Variants in CCDC170 observed in about 807,000 individuals in gnomAD.
CCDC170 encodes the protein coiled-coil domain-containing protein 170.
CCDC170 carries 69 observed loss-of-function variants against 72.6 expected under a neutral mutation model. The observed-to-expected ratio is 0.95, with a 90% confidence interval of 0.78 to 1.16. CCDC170 has a LOEUF of 1.16. Among genes scored for constraint, CCDC170 ranks in the 50% most tolerant of loss-of-function variants. The pLI is 0.00. For missense variants in CCDC170, 852 were observed against 832.5 expected (o/e 1.02, Z -0.29); for synonymous variants, 300 against 303.9 (o/e 0.99, Z 0.13).
Position 151,593,098 on chromosome 6 carries a change from T to A in CCDC170, c.1294-9T>A, listed in dbSNP as rs762191091. 1 of 1,614,028 alleles carries A rather than the reference T, an allele frequency of 6.2e-7. No homozygotes were observed. Among genetic ancestry groups the A allele is most frequent in the Non-Finnish European group, 8.5e-7 (1 of 1,179,902 alleles). ...CATGTCCCATTTTTGTTTCTGTTCT[T>A]GGGTTTAGTATCTTAAATTTCTGGA... On this transcript the variant is annotated splice_polypyrimidine_tract_variant and intron_variant, in intron 7 of 10. Coordinates refer to ENST00000239374, the MANE Select transcript of CCDC170 (RefSeq NM_025059.4).
intron 2 of CCDC170, among the ~76,000 whole-genome samples, chr6:151,537,476 C>T (rs546834359): frequency 1.3e-5 from 2 of 152,322 alleles, no homozygotes; most frequent in South Asian, 4.1e-4. Context: ...TATCACAGAA[C>T]TCATAAAAGT....
At chr6:151,542,703 GTA>G (rs568266100) in intron 3 of CCDC170, among the ~76,000 whole-genome samples, 5 of 152,128 alleles carry the variant, frequency 3.3e-5, no homozygotes, top group Non-Finnish European at 7.3e-5. Flanking sequence ...TTTTCTTAGG[GTA>G]GATTCCTGAA....
intron 5 of CCDC170, among the ~76,000 whole-genome samples, chr6:151,551,405 A>AT: frequency 6.6e-6 from 1 of 152,144 alleles, no homozygotes; most frequent in Non-Finnish European, 1.5e-5. Context: ...AAGCACATAC[A>AT]TTTTTTTATA....
chr6:151,496,059 G>T (rs1415097514), intron 1 of CCDC170, among the ~76,000 whole-genome samples: 2 of 151,466 alleles, frequency 1.3e-5, no homozygotes, highest in Non-Finnish European at 1.5e-5. Context: ...CATTTTTTTT[G>T]TTTGTTTTTT....
rs1583055709 is a variant in CCDC170, at chr6:151,619,124, C to T, written c.*977C>T. ...ACCTAATTCATTTGGATCAAACTTA[C>T]ATAGGTCTCAGGTCCTGTAAGAAAC... On this transcript the variant is annotated 3_prime_UTR_variant, in exon 11 of 11. Coordinates refer to ENST00000239374, the MANE Select transcript of CCDC170 (RefSeq NM_025059.4). 1 of 149,388 alleles carries T rather than the reference C, an allele frequency of 6.7e-6. No individual in the cohort carries two copies. Among genetic ancestry groups the T allele is most frequent in the Non-Finnish European group, 1.5e-5 (1 of 67,590 alleles). The allele number at this position is 149,388 out of a possible 1,614,324, so 9.3% of individuals were successfully genotyped here. A position where few individuals can be genotyped will look rare whatever the true frequency, so the allele number is the denominator to read the frequency against.
chr6:151,615,684 G>T lies in CCDC170; in HGVS notation c.1947+5G>T, dbSNP rs200833739. 2 of 1,593,186 alleles carry T rather than the reference G, an allele frequency of 1.3e-6. No individual in the cohort carries two copies. Among genetic ancestry groups the T allele is most frequent in the African/African-American group, 2.7e-5 (2 of 74,172 alleles). ...GCAGAAAAGAGAGAAAAGCAGGTGG[G>T]TCTAAATCTGGTGATGAAACCTTGT... is the stretch of plus-strand genomic sequence containing the variant. On this transcript the variant is annotated splice_donor_5th_base_variant and intron_variant, in intron 10 of 10. Coordinates refer to ENST00000239374, the MANE Select transcript of CCDC170 (RefSeq NM_025059.4).
chr6:151,514,536 G>A (rs942052621), intron 1 of CCDC170, among the ~76,000 whole-genome samples: 7 of 152,164 alleles, frequency 4.6e-5, no homozygotes, highest in African/African-American at 7.2e-5. Flanking sequence ...GTGAAACAGC[G>A]ATGAAAGCTC....
At position 151,536,326 on chromosome 6, in the gene CCDC170, C is replaced by G; in HGVS notation, c.66C>G (p.Tyr22Ter). Residue 22 changes from tyrosine (Y) to a stop codon, truncating the protein, a stop_gained, in exon 2 of 11, where the codon TAC becomes TAG. Coordinates refer to ENST00000239374, the MANE Select transcript of CCDC170 (RefSeq NM_025059.4). LOFTEE classifies it high-confidence loss of function. ...TGGGGGAATTCTACCAGGAAACTTA[C>G]GATCATCTTTCGGAAGTCCCGGTCA... is the stretch of plus-strand genomic sequence containing the variant. ...GAASPAPEETYDHLSEVPVTR... is the reference protein window; with the variant it reads ...GAASPAPEET The G allele has an allele frequency of 2.5e-6, 4 of 1,613,488 alleles. No individual in the cohort carries two copies. Among genetic ancestry groups the G allele is most frequent in the Non-Finnish European group, 1.7e-6 (2 of 1,179,424 alleles).
Position 151,573,406 on chromosome 6 carries a change from G to A in CCDC170, c.1007G>A (p.Gly336Asp), listed in dbSNP as rs766759929. The change falls in exon 6 of 11, where the codon GGC becomes GAC. Residue 336 changes from glycine (G) to aspartate (D), a missense_variant. By Grantham distance (94) the Gly-to-Asp change is moderately conservative. Coordinates refer to ENST00000239374, the MANE Select transcript of CCDC170 (RefSeq NM_025059.4). ...GAGAAAATCGCAGCCCTCCTTAGGG[G>A]CAGATTGAGCATGACTGGGTCCACT... Reference protein sequence around the residue: ...FREKIAALLRGRLSMTGSTED... With the variant: ...FREKIAALLRDRLSMTGSTED... 25 of 1,614,014 alleles carry A rather than the reference G, an allele frequency of 1.5e-5. No individual in the cohort carries two copies. The highest frequency in any genetic ancestry group is 2.0e-5 in the Non-Finnish European group (24 of 1,180,032).
At chr6:151,556,638 G>C (rs9322326) in intron 5 of CCDC170, among the ~76,000 whole-genome samples, 1 of 152,238 alleles carries the variant, frequency 6.6e-6, no homozygotes, top group Admixed American at 6.5e-5. Flanking sequence ...TAACGGGTAC[G>C]TGTGCTATTT....
chr6:151,609,475 A>G (rs993627685), intron 9 of CCDC170, among the ~76,000 whole-genome samples: 3 of 152,196 alleles, frequency 2.0e-5, no homozygotes, highest in African/African-American at 7.2e-5. Context: ...CCCTTATAAC[A>G]TGAGAGAATT....
chr6:151,577,634 C>A (rs906857934), intron 6 of CCDC170, among the ~76,000 whole-genome samples: 10 of 152,222 alleles, frequency 6.6e-5, no homozygotes, highest in African/African-American at 1.7e-4. Context: ...TGTGGGGACC[C>A]CCCCCGATGC....
At chr6:151,595,617 G>T (rs921436261) in intron 8 of CCDC170, among the ~76,000 whole-genome samples, 13 of 152,010 alleles carry the variant, frequency 8.6e-5, no homozygotes, top group Non-Finnish European at 1.6e-4. Flanking sequence ...GGAGTTCAAG[G>T]CCAGCCAAGG....
At chr6:151,558,081 G>C (rs540587995) in intron 5 of CCDC170, among the ~76,000 whole-genome samples, 1 of 152,204 alleles carries the variant, frequency 6.6e-6, no homozygotes, top group East Asian at 1.9e-4. Flanking sequence ...CCTGGTGACA[G>C]ATCGAGACTC....
At chr6:151,519,503 G>C (rs79699315) in intron 1 of CCDC170, among the ~76,000 whole-genome samples, 7,581 of 152,214 alleles carry the variant, frequency 0.05, 386 homozygotes, top group East Asian at 0.24. Context: ...ACACAATAGT[G>C]GTCCTGAGGT....
At chr6:151,560,883 G>C (rs926211983) in intron 5 of CCDC170, among the ~76,000 whole-genome samples, 2 of 152,078 alleles carry the variant, frequency 1.3e-5, no homozygotes. Flanking sequence ...AGAGGAAAGA[G>C]AATGTAGGGT....
In CCDC170 at chr6:151,618,064, C is replaced by G. The variant is rs749462698; in HGVS notation, c.2065C>G (p.His689Asp). The change falls in exon 11 of 11, where the codon CAC (histidine) becomes GAC (aspartate). Residue 689 changes from histidine (H) to aspartate (D), a missense_variant. Transcript: ENST00000239374. The part of the protein sequence containing the change: ...LERLVHSHQH[H>D]FVTCACLKDV... The stretch of plus-strand genomic sequence containing the variant: ...AAGATTGGTCCATTCACATCAGCAT[C>G]ACTTTGTTACCTGTGCCTGCCTCAA... The G allele has an allele frequency of 4.3e-6, 7 of 1,614,026 alleles. No homozygotes were observed. The highest frequency in any genetic ancestry group is 5.1e-6 in the Non-Finnish European group (6 of 1,180,030).
chr6:151,541,139 T>C (rs1782683329), intron 3 of CCDC170, among the ~76,000 whole-genome samples: 1 of 152,132 alleles, frequency 6.6e-6, no homozygotes, highest in Admixed American at 6.5e-5. Context: ...CCTGGAAGGC[T>C]CTTCCCCCAG....
intron 5 of CCDC170, among the ~76,000 whole-genome samples, chr6:151,569,645 C>T (rs909914731): frequency 3.9e-5 from 6 of 152,156 alleles, no homozygotes; most frequent in Non-Finnish European, 7.3e-5. Flanking sequence ...TATTTTATGC[C>T]GCTTGCTTCG....
Sources: gnomAD v4.1 joint callset for allele counts (sites outside exome capture counted in the v4.1 genomes callset) on GRCh38, gnomAD v4.1.1 for gene constraint, MANE v1.5 for transcripts, NCBI Gene and HGNC (gene_info 2026-07-23, HGNC 2026-07-21) for gene names.